PHEX: variants seen among roughly 807,000 people sequenced by gnomAD.
PHEX encodes phosphate regulating endopeptidase X-linked, also known as phosphate-regulating neutral endopeptidase PHEX.
In PHEX, 16 loss-of-function variants were observed where a neutral mutation model predicts 68.0. That is an observed-to-expected ratio of 0.24 (90% CI 0.16 to 0.36). PHEX has a LOEUF of 0.36. Among genes scored for constraint, PHEX ranks in the 10% least tolerant of loss-of-function variants. PHEX has a pLI of 1.00. For missense variants in PHEX, 480 were observed against 575.5 expected (o/e 0.83, Z 1.70); for synonymous variants, 208 against 205.1 (o/e 1.01, Z -0.12).
At chrX:22,103,706 G>C (rs1930533514) in intron 9 of PHEX, among the ~76,000 whole-genome samples, 1 of 112,197 alleles carries the variant, frequency 8.9e-6, no homozygotes, top group South Asian at 3.6e-4. Context: ...TTCGTTGGTT[G>C]ATGGGCATTT....
chrX:22,079,425 A>C (rs1313748138), intron 5 of PHEX, among the ~76,000 whole-genome samples: 1 of 111,447 alleles, frequency 9.0e-6, no homozygotes, highest in Admixed American at 9.5e-5. Context: ...CTTTTTTGGG[A>C]GGTGGCTAGA....
chrX:22,184,221 G>A (rs186720039), intron 14 of PHEX, among the ~76,000 whole-genome samples: 1 of 110,122 alleles, frequency 9.1e-6, no homozygotes, highest in East Asian at 2.8e-4. Context: ...AAAGGGATAT[G>A]AGTAAATTCC....
intron 1 of PHEX, among the ~76,000 whole-genome samples, chrX:22,037,247 G>A (rs1216470477): frequency 9.0e-6 from 1 of 111,144 alleles, no homozygotes; most frequent in Non-Finnish European, 1.9e-5. Flanking sequence ...TAGAGAGTGG[G>A]TTAATAAATA....
At chrX:22,140,966 T>C (rs1260137273) in intron 12 of PHEX, among the ~76,000 whole-genome samples, 3 of 108,449 alleles carry the variant, frequency 2.8e-5, no homozygotes, top group Non-Finnish European at 3.8e-5. Context: ...ACAGAGAGTG[T>C]GAGCACACTT....
At chrX:22,088,572 C>T (rs1569385824) in intron 5 of PHEX, among the ~76,000 whole-genome samples, 4 of 110,971 alleles carry the variant, frequency 3.6e-5, no homozygotes, top group Admixed American at 1.9e-4. Flanking sequence ...GGCATATTTT[C>T]GTGTTCTTAT....
At chrX:22,221,176 C>G (rs1403003257) in intron 17 of PHEX, among the ~76,000 whole-genome samples, 1 of 111,346 alleles carries the variant, frequency 9.0e-6, no homozygotes, top group Non-Finnish European at 1.9e-5. Flanking sequence ...GGTCTATGAT[C>G]GCACAGTATG....
intron 3 of PHEX, among the ~76,000 whole-genome samples, chrX:22,057,661 T>C (rs1301373122): frequency 1.8e-5 from 2 of 111,302 alleles, no homozygotes; most frequent in Non-Finnish European, 3.8e-5. Context: ...GTGGTCCTTA[T>C]AACCATCTGA....
rs34937615 is a variant in PHEX, at chrX:22,126,873, T to G, written c.1303-6650T>G. Among the ~76,000 whole-genome samples the G allele has an allele frequency of 6.7e-3, 589 of 88,557 alleles. 5 individuals carry two copies. The highest frequency in any genetic ancestry group is 0.024 in the African/African-American group (544 of 23,012). 76.9% of individuals were successfully genotyped at this position (88,557 alleles called of 115,157 possible). On this transcript the variant is annotated intron_variant, in intron 11 of 21. Transcript: ENST00000379374. ...AAAATCTGAAATAGTTGTTTTTTTT[T>G]TTTTTTTTTTTTTTTTGAGACAGAG...
intron 16 of PHEX, among the ~76,000 whole-genome samples, chrX:22,216,799 C>T (rs1935112194): frequency 9.0e-6 from 1 of 111,301 alleles, no homozygotes; most frequent in African/African-American, 3.3e-5. Flanking sequence ...GGATTACAGG[C>T]GTGAGCCACC....
At chrX:22,086,324 C>T (rs1929627619) in intron 5 of PHEX, among the ~76,000 whole-genome samples, 1 of 111,903 alleles carries the variant, frequency 8.9e-6, no homozygotes, top group Non-Finnish European at 1.9e-5. Flanking sequence ...CTCTTTGTCT[C>T]TTGCTGTCTT....
intron 15 of PHEX, among the ~76,000 whole-genome samples, chrX:22,210,731 G>A (rs1320678857): frequency 2.7e-5 from 3 of 111,315 alleles, no homozygotes; most frequent in East Asian, 2.8e-4. Context: ...AATATTAGAT[G>A]CATTTTCCTT....
chrX:22,098,912 A>G, intron 8 of PHEX, 94 bp from the exon 9 acceptor site: 1 of 854,529 alleles, frequency 1.2e-6, no homozygotes, highest in Non-Finnish European at 1.7e-6. Flanking sequence ...GTGAAATCAA[A>G]AGAAATGAAT....
At chrX:22,216,804 G>A (rs953296365) in intron 16 of PHEX, among the ~76,000 whole-genome samples, 2 of 111,428 alleles carry the variant, frequency 1.8e-5, no homozygotes, top group African/African-American at 6.5e-5. Context: ...ACAGGCGTGA[G>A]CCACCACGCC....
rs59624310 is a variant in PHEX at position 22,056,763 on chromosome X, A to AAATAAT, written c.349+9589_349+9594dup. Among the ~76,000 whole-genome samples the AAATAAT allele has an allele frequency of 8.4e-3, 781 of 93,242 alleles. 2 individuals carry two copies. Among genetic ancestry groups the AAATAAT allele is most frequent in the Middle Eastern group, 0.016 (3 of 182 alleles). 81.0% of individuals were successfully genotyped at this position (93,242 alleles called of 115,157 possible). ...CGTGACAGAGCGAGACTCTGTCTCA[A>AAATAAT]AATAATAATAATAATAATAATAATA... On this transcript the variant is annotated intron_variant, in intron 3 of 21. Coordinates refer to ENST00000379374, the MANE Select transcript of PHEX (RefSeq NM_000444.6).
At chrX:22,066,630 G>C (rs1928616767) in intron 3 of PHEX, among the ~76,000 whole-genome samples, 1 of 111,523 alleles carries the variant, frequency 9.0e-6, no homozygotes, top group Non-Finnish European at 1.9e-5. Context: ...GAGGATTCTG[G>C]ATAGAGAAGG....
rs148174941 is a variant in PHEX, at chrX:22,061,386, A to G, written c.349+14175A>G. ...CAATTCTGAGAACTTTTCAACTGTGACTGAGGTGTGGATGGGTCAAGCATC... is the reference window on the plus strand; with the variant it reads ...CAATTCTGAGAACTTTTCAACTGTGGCTGAGGTGTGGATGGGTCAAGCATC... On this transcript the variant is annotated intron_variant, in intron 3 of 21. Coordinates refer to ENST00000379374, the MANE Select transcript of PHEX (RefSeq NM_000444.6). Among the ~76,000 whole-genome samples the G allele has an allele frequency of 4.0e-3, 445 of 111,444 alleles. 1 individual carries two copies. Among genetic ancestry groups the G allele is most frequent in the African/African-American group, 0.013 (413 of 30,694 alleles).
At chrX:22,110,100 G>A (rs1341059565) in intron 9 of PHEX, among the ~76,000 whole-genome samples, 1 of 112,048 alleles carries the variant, frequency 8.9e-6, no homozygotes, top group Non-Finnish European at 1.9e-5. Flanking sequence ...GTTTCCAAAG[G>A]CAAAGAATAC....
rs775488933 is a variant in PHEX, at chrX:22,096,580, T to C, written c.850-375T>C. ...CTAGAGGTGAAGGGATGGTCTGTGG[T>C]TCATGAAATATTGAAATCATTATCT... is the stretch of plus-strand genomic sequence containing the variant. On this transcript the variant is annotated intron_variant, in intron 7 of 21. Transcript: ENST00000379374. Among the ~76,000 whole-genome samples the C allele has an allele frequency of 8.9e-5, 10 of 111,993 alleles. No homozygotes were observed. In the South Asian group the frequency reaches 3.8e-3, roughly 42 times the overall value.
chrX:22,090,562 G>A, intron 6 of PHEX, 65 bp downstream of exon 6: 2 of 755,297 alleles, frequency 2.6e-6, no homozygotes, highest in Middle Eastern at 5.7e-4. Context: ...TAGTTCTAAG[G>A]CCGCTGCTTC....
Sources: allele counts gnomAD v4.1 joint callset (sites outside exome capture counted in the v4.1 genomes callset), GRCh38; gene constraint gnomAD v4.1.1; transcripts MANE v1.5; gene names NCBI Gene and HGNC (gene_info 2026-07-23, HGNC 2026-07-21).